Variants in SIL1 observed in about 807,000 individuals in gnomAD.
SIL1 encodes the protein nucleotide exchange factor SIL1.
SIL1 carries 40 observed loss-of-function variants against 49.1 expected under a neutral mutation model. The observed-to-expected ratio is 0.81, with a 90% CI of 0.63 to 1.06. The LOEUF is 1.06. SIL1 is among the 50% of genes least tolerant of loss of function. The pLI, the probability that SIL1 is intolerant of heterozygous loss-of-function variation, is 0.00. For synonymous variants in SIL1, 253 were observed against 250.8 expected (o/e 1.01, Z -0.08); for missense variants, 500 against 572.6 (o/e 0.87, Z 1.29).
chr5:138,979,253 C>T (rs1184509522), intron 7 of SIL1, among the ~76,000 whole-genome samples: 4 of 152,018 alleles, frequency 2.6e-5, no homozygotes, highest in Admixed American at 1.3e-4. Flanking sequence ...TTAGTAGAGA[C>T]GGGGTTTCAC....
intron 7 of SIL1, among the ~76,000 whole-genome samples, chr5:138,989,146 C>CA (rs1767703666): frequency 6.6e-6 from 1 of 152,172 alleles, no homozygotes; most frequent in African/African-American, 2.4e-5. Flanking sequence ...ATTACCAAAT[C>CA]AGAGTTGAAA....
intron 1 of SIL1, among the ~76,000 whole-genome samples, chr5:139,176,445 A>G (rs1160704572): frequency 1.3e-5 from 2 of 152,194 alleles, no homozygotes; most frequent in Admixed American, 1.3e-4. Flanking sequence ...CATTTTAGGT[A>G]TCTGTTATAG....
chr5:139,065,988 A>T lies in SIL1; in HGVS notation c.245-14942T>A, dbSNP rs1303347640. Among the ~76,000 whole-genome samples, 4 of 152,330 alleles carry T rather than the reference A, an allele frequency of 2.6e-5. No homozygotes were observed. In the East Asian group the frequency reaches 7.7e-4, roughly 29 times the overall value. On this transcript the variant is annotated intron_variant, in intron 3 of 9. Transcript: ENST00000394817. ...ATTTCAGATTTATAAAAGAGAAGGC[A>T]AATCCCTCATAACTTCAGGACCTCA...
Position 139,158,140 on chromosome 5 carries a change from C to A in SIL1, c.-10-30287G>T, listed in dbSNP as rs977148. Among the ~76,000 whole-genome samples, 1,191 of 152,256 alleles carry A rather than the reference C, an allele frequency of 7.8e-3. 7 individuals carry two copies. The highest frequency in any genetic ancestry group is 0.013 in the Admixed American group (205 of 15,290). ...GCTGAGATCAAAGAGGTTAGGCCACCTTCCCAAAGTCAGAGAGCTAATCAA... is the reference window on the plus strand; with the variant it reads ...GCTGAGATCAAAGAGGTTAGGCCACATTCCCAAAGTCAGAGAGCTAATCAA... On this transcript the variant is annotated intron_variant, in intron 1 of 9. Transcript: ENST00000394817.
chr5:139,002,679 T>C (rs1768013809), intron 7 of SIL1, among the ~76,000 whole-genome samples: 1 of 152,182 alleles, frequency 6.6e-6, no homozygotes, highest in African/African-American at 2.4e-5. Flanking sequence ...AGGGCACAAA[T>C]TGCTCCACAA....
chr5:139,025,777 TA>T (rs1377213105), intron 6 of SIL1, among the ~76,000 whole-genome samples: 8 of 152,178 alleles, frequency 5.3e-5, no homozygotes, highest in Non-Finnish European at 1.2e-4. Flanking sequence ...TGCTCTAATC[TA>T]AGGATTGGCA....
intron 7 of SIL1, among the ~76,000 whole-genome samples, chr5:138,972,594 A>C (rs1767302940): frequency 6.6e-6 from 1 of 152,226 alleles, no homozygotes; most frequent in South Asian, 2.1e-4. Context: ...TCTTCAGCAC[A>C]GGCTGGAACC....
intron 1 of SIL1, among the ~76,000 whole-genome samples, chr5:139,131,265 C>T (rs1750856786): frequency 6.6e-6 from 1 of 152,158 alleles, no homozygotes; most frequent in Non-Finnish European, 1.5e-5. Context: ...CAGGGCAGCA[C>T]CTCTGAAGAA....
In SIL1 at chr5:138,974,681, G is replaced by A. The variant is rs59943677; in HGVS notation, c.768-22797C>T. On this transcript the variant is annotated intron_variant, in intron 7 of 9. Transcript: ENST00000394817. ...GGAGAGGGAAGGAGCCCCTGTTTCC[G>A]GGCCTGGGTTTCCTTTATGTTGCTT... 1.2e-3 allele frequency among the ~76,000 whole-genome samples: 188 copies of A among 152,272 alleles called. 4 individuals are homozygous for A. The East Asian group carries it at 0.027, about 22-fold the overall frequency.
intron 3 of SIL1, among the ~76,000 whole-genome samples, chr5:139,053,278 G>A (rs909750432): frequency 6.6e-6 from 1 of 152,004 alleles, no homozygotes; most frequent in African/African-American, 2.4e-5. Flanking sequence ...CTACCACATT[G>A]ATACCCAATC....
intron 1 of SIL1, among the ~76,000 whole-genome samples, 166 bp downstream of exon 1, chr5:139,198,103 G>A (rs1431358730): frequency 6.6e-6 from 1 of 152,200 alleles, no homozygotes; most frequent in African/African-American, 2.4e-5. Context: ...CTTCGGCAGG[G>A]AGCCCCGGGC....
At position 139,170,073 on chromosome 5, in the gene SIL1, T is replaced by C. The variant is rs530958539; in HGVS notation, c.-11+28196A>G. Among the ~76,000 whole-genome samples the C allele has an allele frequency of 4.9e-3, 745 of 152,358 alleles. 2 individuals are homozygous for C. The highest frequency in any genetic ancestry group is 7.4e-3 in the Non-Finnish European group (501 of 68,032). On this transcript the variant is annotated intron_variant, in intron 1 of 9. Coordinates refer to ENST00000394817, the MANE Select transcript of SIL1 (RefSeq NM_022464.5). ...TGGTGGAGACGGGGTTTCGCTGTGT[T>C]GGCCGGGCTGGTCTCCAGCTCCTAA... is the stretch of plus-strand genomic sequence containing the variant.
chr5:139,104,636 G>A (rs1770661591), intron 3 of SIL1, among the ~76,000 whole-genome samples: 6 of 152,130 alleles, frequency 3.9e-5, no homozygotes, highest in Admixed American at 2.0e-4. Flanking sequence ...AGGCCTCAAC[G>A]ACCCTGACAT....
intron 7 of SIL1, among the ~76,000 whole-genome samples, chr5:138,983,097 G>A (rs1311567521): frequency 6.6e-6 from 1 of 151,508 alleles, no homozygotes; most frequent in East Asian, 1.9e-4. Context: ...ACTCAGGGGG[G>A]CTGAGGCACG....
chr5:139,173,008 TA>T (rs1424921947), intron 1 of SIL1, among the ~76,000 whole-genome samples: 3 of 152,074 alleles, frequency 2.0e-5, no homozygotes, highest in Non-Finnish European at 4.4e-5. Context: ...ATTTTGTTTT[TA>T]CATAATTTAA....
chr5:138,990,112 T>C (rs957294211), intron 7 of SIL1, among the ~76,000 whole-genome samples: 1 of 152,196 alleles, frequency 6.6e-6, no homozygotes, highest in Non-Finnish European at 1.5e-5. Flanking sequence ...TTACTCCTGG[T>C]CCCATTTTTT....
At chr5:138,960,165 C>T (rs1321582986) in intron 7 of SIL1, among the ~76,000 whole-genome samples, 3 of 152,112 alleles carry the variant, frequency 2.0e-5, no homozygotes, top group African/African-American at 7.2e-5. Context: ...TAGACCCTTC[C>T]TCCTAGCCTG....
At chr5:139,108,833 T>C (rs1224963861) in intron 3 of SIL1, among the ~76,000 whole-genome samples, 1 of 148,464 alleles carries the variant, frequency 6.7e-6, no homozygotes, top group East Asian at 2.0e-4. Flanking sequence ...GCTAGGAAGG[T>C]AAGGTGGCAG....
intron 1 of SIL1, among the ~76,000 whole-genome samples, chr5:139,176,677 G>A (rs1487285442): frequency 6.6e-6 from 1 of 152,068 alleles, no homozygotes; most frequent in African/African-American, 2.4e-5. Flanking sequence ...TGCAGAAGAG[G>A]CAAGGAAGCT....
Sources: gnomAD v4.1 joint callset for allele counts (sites outside exome capture counted in the v4.1 genomes callset) on GRCh38, gnomAD v4.1.1 for gene constraint, MANE v1.5 for transcripts, NCBI Gene and HGNC (gene_info 2026-07-23, HGNC 2026-07-21) for gene names.